MEGF11: variants seen among roughly 807,000 people sequenced by gnomAD.
The protein encoded by MEGF11 is multiple EGF like domains 11.
Under a neutral mutation model 146.6 loss-of-function variants are expected in MEGF11, and 126 were observed. That is an observed-to-expected ratio of 0.86 (90% CI 0.74 to 1.00). The LOEUF (loss-of-function observed/expected upper bound fraction) is 1.00, where lower values mean the gene tolerates loss of function less well. MEGF11 is among the 50% of genes least tolerant of loss of function. The pLI is 0.00. For synonymous variants in MEGF11, 532 were observed against 583.4 expected (o/e 0.91, Z 1.27); for missense variants, 1,509 against 1,521.2 (o/e 0.99, Z 0.13).
At chr15:66,169,128 C>T (rs937502012) in intron 1 of MEGF11, among the ~76,000 whole-genome samples, 2 of 152,238 alleles carry the variant, frequency 1.3e-5, no homozygotes, top group Non-Finnish European at 2.9e-5. Context: ...TCGATGCTGC[C>T]TCCATCACCC....
At position 66,109,981 on chromosome 15, in the gene MEGF11, A is replaced by G. The variant is rs113195590; in HGVS notation, c.301+9105T>C. 2.9e-3 allele frequency among the ~76,000 whole-genome samples: 445 copies of G among 152,310 alleles called. 4 individuals carry two copies. The highest frequency in any genetic ancestry group is 9.8e-3 in the African/African-American group (408 of 41,566). ...CTGAGTGAGAGAGATGGACAGGCACAGCAGCTTCACAACCAGCAGGACAAG... is the reference window on the plus strand; with the variant it reads ...CTGAGTGAGAGAGATGGACAGGCACGGCAGCTTCACAACCAGCAGGACAAG... On this transcript the variant is annotated intron_variant, in intron 4 of 25. Transcript: ENST00000395614.
chr15:65,923,018 AAGGGAAGAATGG>A, intron 13 of MEGF11, 49 bp from the exon 14 acceptor site: 1 of 1,591,490 alleles, frequency 6.3e-7, no homozygotes, highest in Non-Finnish European at 8.5e-7. Context: ...GGTGAGGATG[AAGGGAAGAATGG>A]AGGGAAGGGG....
chr15:66,103,173 C>T (rs1026570001), intron 4 of MEGF11, among the ~76,000 whole-genome samples: 4 of 152,182 alleles, frequency 2.6e-5, no homozygotes, highest in African/African-American at 7.2e-5. Context: ...GGGGTCAGAC[C>T]GGCAGCTGCA....
intron 21 of MEGF11, among the ~76,000 whole-genome samples, chr15:65,911,180 C>T (rs1276723360): frequency 2.6e-5 from 4 of 152,202 alleles, no homozygotes; most frequent in Admixed American, 2.6e-4. Context: ...CCATGAAGAC[C>T]TACAGAACTC....
chr15:66,175,403 C>T, intron 1 of MEGF11, among the ~76,000 whole-genome samples: 1 of 152,160 alleles, frequency 6.6e-6, no homozygotes, highest in East Asian at 1.9e-4. Context: ...GGGCACCACA[C>T]TACCTGACTT....
chr15:66,077,457 A>T (rs1388245699), intron 5 of MEGF11, among the ~76,000 whole-genome samples: 1 of 152,170 alleles, frequency 6.6e-6, no homozygotes, highest in African/African-American at 2.4e-5. Context: ...GAAGCATTGG[A>T]AGATCACGTG....
At chr15:66,230,080 A>G (rs1041713050) in intron 1 of MEGF11, among the ~76,000 whole-genome samples, 2 of 152,180 alleles carry the variant, frequency 1.3e-5, no homozygotes, top group African/African-American at 4.8e-5. Flanking sequence ...CCACTGCATC[A>G]CTAGGGTTTA....
intron 5 of MEGF11, among the ~76,000 whole-genome samples, chr15:66,058,274 C>A (rs75393770): frequency 0.017 from 2,555 of 152,122 alleles, 70 homozygotes; most frequent in African/African-American, 0.057. Flanking sequence ...ACAGGCTGTG[C>A]GGAAGGCAAA....
At chr15:66,087,376 T>C (rs576819622) in intron 5 of MEGF11, among the ~76,000 whole-genome samples, 299 of 152,348 alleles carry the variant, frequency 2.0e-3, no homozygotes, top group African/African-American at 7.0e-3. Flanking sequence ...ATACACATTC[T>C]ATTCAACAGC....
At chr15:66,129,155 T>G (rs1039697830) in intron 1 of MEGF11, among the ~76,000 whole-genome samples, 36 of 152,334 alleles carry the variant, frequency 2.4e-4, no homozygotes, top group African/African-American at 8.7e-4. Flanking sequence ...CCAACTCCCT[T>G]GCTTCACTAA....
chr15:66,183,034 T>G (rs1339873201), intron 1 of MEGF11, among the ~76,000 whole-genome samples: 4 of 151,990 alleles, frequency 2.6e-5, no homozygotes, highest in South Asian at 2.1e-4. Context: ...CGATGTTGAG[T>G]GAGAAAAGCT....
intron 13 of MEGF11, among the ~76,000 whole-genome samples, chr15:65,923,536 A>G (rs17238403): frequency 0.018 from 2,687 of 152,336 alleles, 38 homozygotes; most frequent in Non-Finnish European, 0.025. Context: ...CAGACTCCTC[A>G]GCGCAGTATG....
intron 4 of MEGF11, among the ~76,000 whole-genome samples, chr15:66,104,172 TAGA>T (rs561049257): frequency 2.8e-4 from 43 of 152,376 alleles, no homozygotes; most frequent in Admixed American, 1.2e-3. Flanking sequence ...GGTCTTCATC[TAGA>T]ATGTGCTCCA....
At chr15:65,984,495 T>C (rs111385700) in intron 5 of MEGF11, among the ~76,000 whole-genome samples, 16,586 of 123,310 alleles carry the variant, frequency 0.13, 1,147 homozygotes, top group Middle Eastern at 0.34. Context: ...CACTGCACTC[T>C]AGCCTGGGCG....
chr15:66,240,961 C>T (rs2092197225), intron 1 of MEGF11, among the ~76,000 whole-genome samples: 2 of 152,168 alleles, frequency 1.3e-5, no homozygotes, highest in Non-Finnish European at 2.9e-5. Flanking sequence ...TCCTATAAGG[C>T]CAGCCCAGCC....
chr15:66,002,871 T>C (rs909132832), intron 5 of MEGF11, among the ~76,000 whole-genome samples: 5 of 152,178 alleles, frequency 3.3e-5, no homozygotes, highest in Admixed American at 1.3e-4. Flanking sequence ...TTCTCCCTTT[T>C]TGGGGTGAAG....
intron 7 of MEGF11, among the ~76,000 whole-genome samples, chr15:65,975,045 C>T (rs2081406331): frequency 6.6e-6 from 1 of 152,084 alleles, no homozygotes; most frequent in Non-Finnish European, 1.5e-5. Flanking sequence ...TGGGGTTTCA[C>T]CATGTTGGCC....
At chr15:66,002,121 A>G (rs2082386200) in intron 5 of MEGF11, among the ~76,000 whole-genome samples, 1 of 152,064 alleles carries the variant, frequency 6.6e-6, no homozygotes, top group Non-Finnish European at 1.5e-5. Context: ...TGGATCTGTT[A>G]CAGGTTTTCT....
At chr15:65,901,662 A>T (rs2078498761) in intron 24 of MEGF11, 1 of 150,612 alleles carries the variant, frequency 6.6e-6, no homozygotes, top group African/African-American at 2.4e-5. Context: ...TAAGGCAGTA[A>T]GGCACAGAGC....
Sources: allele counts gnomAD v4.1 joint callset (sites outside exome capture counted in the v4.1 genomes callset), GRCh38; gene constraint gnomAD v4.1.1; transcripts MANE v1.5; gene names NCBI Gene and HGNC (gene_info 2026-07-23, HGNC 2026-07-21).